The following IL23R variants were observed in gnomAD, a reference collection of about 807,000 sequenced individuals.
IL23R encodes interleukin-23 receptor.
IL23R carries 34 observed loss-of-function variants against 56.9 expected under a neutral mutation model. That is an observed-to-expected ratio of 0.60 (90% CI 0.45 to 0.80). IL23R has a LOEUF of 0.80. Ranked by LOEUF, IL23R falls within the 30% of genes least tolerant of loss-of-function variation. The pLI is 0.00. For missense variants in IL23R, 635 were observed against 730.0 expected (o/e 0.87, Z 1.50); for synonymous variants, 230 against 249.2 (o/e 0.92, Z 0.73).
chr1:67,201,749 C>T (rs985053987), intron 5 of IL23R, among the ~76,000 whole-genome samples: 2 of 152,050 alleles, frequency 1.3e-5, no homozygotes, highest in African/African-American at 4.8e-5. Context: ...GTAGACCTCT[C>T]TATGTTCATC....
chr1:67,162,044 A>G (rs1646826482), upstream of IL23R, among the ~76,000 whole-genome samples: 3 of 152,152 alleles, frequency 2.0e-5, no homozygotes, highest in Admixed American at 6.5e-5. Context: ...ATGCCATGAT[A>G]TGATTTGATA....
the IL23R span, among the ~76,000 whole-genome samples, chr1:67,265,641 G>A: frequency 2.6e-5 from 4 of 151,846 alleles, no homozygotes; most frequent in Non-Finnish European, 5.9e-5. Context: ...AATTCCTCTT[G>A]TACATATGTT....
At chr1:67,164,944 A>G (rs1646857926), upstream of IL23R, among the ~76,000 whole-genome samples, 1 of 152,086 alleles carries the variant, frequency 6.6e-6, no homozygotes, top group Non-Finnish European at 1.5e-5. Flanking sequence ...GTGGTGGCTC[A>G]CTCCTGTAAT....
chr1:67,209,518 T>C (rs1290557326), intron 6 of IL23R, among the ~76,000 whole-genome samples: 1 of 152,178 alleles, frequency 6.6e-6, no homozygotes, highest in Non-Finnish European at 1.5e-5. Context: ...TATCAGGGGT[T>C]TCCGCTTTTG....
chr1:67,214,615 T>C (rs1649709801), intron 6 of IL23R, among the ~76,000 whole-genome samples: 1 of 152,264 alleles, frequency 6.6e-6, no homozygotes, highest in Non-Finnish European at 1.5e-5. Flanking sequence ...AGTTGGTTTC[T>C]GAAAACTTAT....
At position 67,219,857 on chromosome 1, in the gene IL23R, G is replaced by A. The variant is rs1222300672; in HGVS notation, c.955+127G>A. The A allele has an allele frequency of 4.5e-6, 4 of 893,768 alleles. No individual in the cohort carries two copies. In the East Asian group the frequency reaches 7.3e-5, roughly 16 times the overall value. 55.4% of individuals were successfully genotyped at this position (893,768 alleles called of 1,614,324 possible). Reference sequence around the variant, plus strand: ...AAGGCAGGAAGATTGCTTGAGCCTAGGAGTTTGAGACTGGCCTGGGCAACA... The same window carrying A: ...AAGGCAGGAAGATTGCTTGAGCCTAAGAGTTTGAGACTGGCCTGGGCAACA... On this transcript the variant is annotated intron_variant, in intron 7 of 10. Coordinates refer to ENST00000347310, the MANE Select transcript of IL23R (RefSeq NM_144701.3).
chr1:67,163,888 A>T (rs949594822), upstream of IL23R, among the ~76,000 whole-genome samples: 20 of 152,218 alleles, frequency 1.3e-4, no homozygotes, highest in Non-Finnish European at 2.5e-4. Flanking sequence ...GTATGGTAAC[A>T]CAAGAACAGT....
chr1:67,156,344 A>G (rs1373207610), intron 1 of IL23R, among the ~76,000 whole-genome samples: 1 of 152,154 alleles, frequency 6.6e-6, no homozygotes, highest in East Asian at 1.9e-4. Context: ...TCCTTTTGTC[A>G]GGATCCGCCA....
At chr1:67,191,622 CAA>C (rs1238306736) in intron 4 of IL23R, among the ~76,000 whole-genome samples, 2 of 152,086 alleles carry the variant, frequency 1.3e-5, no homozygotes, top group African/African-American at 2.4e-5. Context: ...GAAAAAAAAT[CAA>C]AAGAGTTGTC....
intron 4 of IL23R, chr1:67,196,294 C>T (rs1421621060): frequency 6.6e-6 from 1 of 152,122 alleles, no homozygotes; most frequent in East Asian, 1.9e-4. Context: ...TTGTAATCCT[C>T]ACGTGGGAGG....
At chr1:67,198,516 G>A (rs1053232743) in intron 4 of IL23R, among the ~76,000 whole-genome samples, 9 of 152,168 alleles carry the variant, frequency 5.9e-5, no homozygotes, top group Admixed American at 4.6e-4. Flanking sequence ...GCTTTGAAAT[G>A]ATACTTAATA....
intron 6 of IL23R, 70 bp downstream of exon 6, chr1:67,207,125 G>C: frequency 1.4e-6 from 2 of 1,423,686 alleles, no homozygotes; most frequent in Non-Finnish European, 2.0e-6. Context: ...AGTGGCTACA[G>C]TGGACTTATT....
Position 67,168,388 on chromosome 1 carries a change from A to G in IL23R, c.70+198A>G, listed in dbSNP as rs543141792. Among the ~76,000 whole-genome samples the G allele has an allele frequency of 6.6e-5, 10 of 152,264 alleles. 1 individual carries two copies. The highest frequency in any genetic ancestry group is 5.2e-4 in the Admixed American group (8 of 15,288). On this transcript the variant is annotated intron_variant, in intron 2 of 10. Transcript: ENST00000347310. ...TCCAAATGCAGGATTTCTTTCTCAA[A>G]TTTCCCTTCTAGACAGCCCTCTTAC...
At chr1:67,226,787 T>C (rs556577637) in intron 7 of IL23R, among the ~76,000 whole-genome samples, 10 of 152,306 alleles carry the variant, frequency 6.6e-5, no homozygotes, top group African/African-American at 2.4e-4. Flanking sequence ...TTAGTAGTAG[T>C]GGTTTGGGTG....
chr1:67,242,427 AG>A (rs1190464414), intron 9 of IL23R, among the ~76,000 whole-genome samples: 1 of 152,116 alleles, frequency 6.6e-6, no homozygotes, highest in African/African-American at 2.4e-5. Context: ...TAGAGGCATA[AG>A]CAAGAAAAAA....
intron 7 of IL23R, among the ~76,000 whole-genome samples, chr1:67,221,374 C>T (rs1224237651): frequency 6.6e-6 from 1 of 152,138 alleles, no homozygotes; most frequent in Non-Finnish European, 1.5e-5. Context: ...ACAATCATAT[C>T]AATAAACGTT....
intron 4 of IL23R, among the ~76,000 whole-genome samples, chr1:67,185,663 C>G (rs762838144): frequency 6.6e-6 from 1 of 152,144 alleles, no homozygotes; most frequent in Non-Finnish European, 1.5e-5. Context: ...AAAAGAAACA[C>G]CTCATCAGTC....
chr1:67,217,019 T>G (rs1373719915), intron 6 of IL23R, among the ~76,000 whole-genome samples: 2 of 152,184 alleles, frequency 1.3e-5, no homozygotes, highest in African/African-American at 2.4e-5. Flanking sequence ...CCAAGGACCC[T>G]CTCATCCAGT....
downstream of IL23R, among the ~76,000 whole-genome samples, chr1:67,261,448 TA>T (rs35299982): frequency 0.3 from 42,844 of 142,210 alleles, 7,114 homozygotes; most frequent in East Asian, 0.72. Flanking sequence ...TTACATAGTG[TA>T]AAAAAAAAAA....
Sources: allele counts gnomAD v4.1 joint callset (sites outside exome capture counted in the v4.1 genomes callset), GRCh38; gene constraint gnomAD v4.1.1; transcripts MANE v1.5; gene names NCBI Gene and HGNC (gene_info 2026-07-23, HGNC 2026-07-21).